Variants in MON2 observed in about 807,000 individuals in gnomAD.
MON2 encodes the protein MON2 regulator of endosome-to-Golgi trafficking.
In MON2, 84 loss-of-function variants were observed where a neutral mutation model predicts 208.6. The observed-to-expected ratio is 0.40, with a 90% CI of 0.34 to 0.48. The LOEUF (loss-of-function observed/expected upper bound fraction) is 0.48, where lower values mean the gene tolerates loss of function less well. Among genes scored for constraint, MON2 ranks in the 20% least tolerant of loss-of-function variants. The pLI is 0.59. For missense variants in MON2, 1,611 were observed against 2,015.4 expected (o/e 0.80, Z 3.84); for synonymous variants, 660 against 694.0 (o/e 0.95, Z 0.77).
At chr12:62,515,797 A>G (rs530472301) in intron 8 of MON2, among the ~76,000 whole-genome samples, 404 of 152,170 alleles carry the variant, frequency 2.7e-3, no homozygotes, top group Non-Finnish European at 4.4e-3. Context: ...CCTGGGTGAC[A>G]AGAGCAAGAC....
Position 62,570,880 on chromosome 12 carries a change from T to A in MON2, c.4324-512T>A, listed in dbSNP as rs11174553. The stretch of plus-strand genomic sequence containing the variant: ...CTGAGTAGCTGGGACTATAGGCACG[T>A]GCCACCACACCCAGCTCATTTTTGT... On this transcript the variant is annotated intron_variant, in intron 29 of 34. Transcript: ENST00000393630. 8.5e-3 allele frequency among the ~76,000 whole-genome samples: 1,295 copies of A among 151,742 alleles called. 17 individuals carry two copies. The highest frequency in any genetic ancestry group is 0.029 in the African/African-American group (1,196 of 41,320).
intron 30 of MON2, 152 bp downstream of exon 30, chr12:62,571,734 A>G: frequency 3.1e-6 from 2 of 647,142 alleles, no homozygotes; most frequent in South Asian, 2.7e-5. Context: ...CCATTTATCC[A>G]TTGGGTACAT....
At position 62,595,646 on chromosome 12, in the gene MON2, G is replaced by T. The variant is rs1003980639; in HGVS notation, c.*2897G>T. ...CTTAGTTTCCTATGCTACCACCACT[G>T]CCAAGGGAGAAAAAAATACATCATT... On this transcript the variant is annotated 3_prime_UTR_variant, in exon 35 of 35. Coordinates refer to ENST00000393630, the MANE Select transcript of MON2 (RefSeq NM_015026.3). The T allele has an allele frequency of 3.3e-5, 5 of 152,112 alleles. No individual in the cohort carries two copies. The highest frequency in any genetic ancestry group is 6.5e-5 in the Admixed American group (1 of 15,282). The allele number at this position is 152,112 out of a possible 1,614,324, so 9.4% of individuals were successfully genotyped here.
chr12:62,521,715 A>C (rs539341900), intron 8 of MON2, among the ~76,000 whole-genome samples: 1 of 152,328 alleles, frequency 6.6e-6, no homozygotes, highest in African/African-American at 2.4e-5. Flanking sequence ...ATTAGAATTT[A>C]TCACTCATTA....
intron 30 of MON2, among the ~76,000 whole-genome samples, chr12:62,577,338 C>A (rs1423784514): frequency 6.6e-6 from 1 of 152,136 alleles, no homozygotes; most frequent in East Asian, 1.9e-4. Context: ...CTGTCCTGTT[C>A]ACAGCTAGAT....
intron 19 of MON2, among the ~76,000 whole-genome samples, chr12:62,539,372 T>G (rs1042464618): frequency 6.6e-6 from 1 of 151,734 alleles, no homozygotes; most frequent in African/African-American, 2.4e-5. Context: ...CATGCCATTC[T>G]CCTGCCTCAG....
intron 4 of MON2, among the ~76,000 whole-genome samples, chr12:62,497,183 A>T (rs1379159080): frequency 8.7e-6 from 1 of 115,002 alleles, no homozygotes; most frequent in Admixed American, 9.2e-5. Context: ...GGGAGGGGGG[A>T]GGGATAGCAT....
At chr12:62,557,590 GT>G (rs1262015377) in intron 25 of MON2, among the ~76,000 whole-genome samples, 2 of 152,092 alleles carry the variant, frequency 1.3e-5, no homozygotes, top group Non-Finnish European at 2.9e-5. Flanking sequence ...TTATGAGCAT[GT>G]TGTACATATT....
chr12:62,513,451 C>T (rs1356794061), intron 8 of MON2, among the ~76,000 whole-genome samples: 1 of 152,016 alleles, frequency 6.6e-6, no homozygotes, highest in African/African-American at 2.4e-5. Flanking sequence ...GTCTTGAACT[C>T]CTGACCTCAA....
At chr12:62,574,107 T>A (rs1369690318) in intron 30 of MON2, among the ~76,000 whole-genome samples, 2 of 152,202 alleles carry the variant, frequency 1.3e-5, no homozygotes, top group Non-Finnish European at 2.9e-5. Context: ...CTGTTAAATG[T>A]CAATAATAAT....
At chr12:62,544,722 T>A in intron 20 of MON2, 176 bp from the exon 21 acceptor site, 1 of 1,494,248 alleles carries the variant, frequency 6.7e-7, no homozygotes, top group South Asian at 1.2e-5. Flanking sequence ...TAGTTTCATC[T>A]TTTTTCTTCT....
At chr12:62,583,459 A>C (rs917440950) in intron 32 of MON2, among the ~76,000 whole-genome samples, 1 of 152,178 alleles carries the variant, frequency 6.6e-6, no homozygotes, top group African/African-American at 2.4e-5. Context: ...GAACAAAGAA[A>C]ATCTAGGAGA....
At chr12:62,490,584 G>A (rs900019687) in intron 2 of MON2, among the ~76,000 whole-genome samples, 87 of 152,116 alleles carry the variant, frequency 5.7e-4, no homozygotes, top group Non-Finnish European at 1.2e-3. Flanking sequence ...AGAAGAAAAG[G>A]AAAAGCAATA....
At chr12:62,551,823 A>G (rs749396738) in intron 23 of MON2, among the ~76,000 whole-genome samples, 2 of 152,240 alleles carry the variant, frequency 1.3e-5, no homozygotes, top group Admixed American at 6.5e-5. Context: ...TTTTAAATGT[A>G]TATTAAAACT....
intron 4 of MON2, among the ~76,000 whole-genome samples, chr12:62,498,622 G>A (rs2070670092): frequency 1.3e-5 from 2 of 152,094 alleles, no homozygotes; most frequent in South Asian, 2.1e-4. Context: ...CAAACTTTGA[G>A]TTCATGTTAT....
intron 2 of MON2, chr12:62,490,085 T>A (rs1440068191): frequency 3.0e-5 from 26 of 857,724 alleles, no homozygotes; most frequent in Non-Finnish European, 4.2e-5. Flanking sequence ...AGGAAACCCC[T>A]AGGATATGGG....
chr12:62,560,623 A>C lies in MON2; in HGVS notation c.3542A>C (p.Asp1181Ala), dbSNP rs763574989. The stretch of plus-strand genomic sequence containing the variant: ...TTACAGATTGTGTCCCCTGTCAGAG[A>C]CTCAGATAAGCCTGAGACACCACCT... ...EILQIVSPVR[D>A]SDKPETPPVV... Residue 1181 changes from aspartate to alanine, a missense_variant, in exon 26 of 35, where the codon GAC becomes GCC. Asp to Ala is a moderately radical substitution (Grantham distance 126, BLOSUM62 -2). Coordinates refer to ENST00000393630, the MANE Select transcript of MON2 (RefSeq NM_015026.3). The C allele has an allele frequency of 6.2e-7, 1 of 1,614,060 alleles. No homozygotes were observed.
At chr12:62,578,795 A>G (rs535231497) in intron 31 of MON2, among the ~76,000 whole-genome samples, 95 of 152,302 alleles carry the variant, frequency 6.2e-4, no homozygotes, top group Non-Finnish European at 9.6e-4. Flanking sequence ...ATCAGTCAGG[A>G]GGCATATATT....
At chr12:62,545,287 G>T (rs1362588905) in intron 21 of MON2, among the ~76,000 whole-genome samples, 2 of 150,810 alleles carry the variant, frequency 1.3e-5, no homozygotes, top group Admixed American at 6.6e-5. Flanking sequence ...CAGTGCTAAA[G>T]TGTTGTTTTG....
Sources: gnomAD v4.1 joint callset for allele counts (sites outside exome capture counted in the v4.1 genomes callset) on GRCh38, gnomAD v4.1.1 for gene constraint, MANE v1.5 for transcripts, NCBI Gene and HGNC (gene_info 2026-07-23, HGNC 2026-07-21) for gene names.